CNTNAP4: variants seen among roughly 807,000 people sequenced by gnomAD.
CNTNAP4 encodes the protein contactin-associated protein-like 4.
CNTNAP4 carries 98 observed loss-of-function variants against 148.4 expected under a neutral mutation model. The ratio of observed to expected loss-of-function variants is 0.66; its 90% CI spans 0.56 to 0.78. CNTNAP4 has a LOEUF of 0.78. Among genes scored for constraint, CNTNAP4 ranks in the 30% least tolerant of loss-of-function variants. The pLI, the probability that CNTNAP4 is intolerant of heterozygous loss-of-function variation, is 0.00. For synonymous variants in CNTNAP4, 730 were observed against 565.1 expected, an observed-to-expected ratio of 1.29 and a Z score of -4.14; for missense variants, 1,935 against 1,565.6, an observed-to-expected ratio of 1.24 and a Z score of -3.98.
At chr16:76,491,749 T>C (rs1183108975) in intron 13 of CNTNAP4, among the ~76,000 whole-genome samples, 4 of 152,344 alleles carry the variant, frequency 2.6e-5, no homozygotes, top group East Asian at 1.9e-4. Flanking sequence ...GCAGTATATG[T>C]CTTTCAGTGT....
At chr16:76,456,514 G>A (rs2080736956) in intron 8 of CNTNAP4, among the ~76,000 whole-genome samples, 2 of 152,122 alleles carry the variant, frequency 1.3e-5, no homozygotes, top group South Asian at 4.1e-4. Context: ...TTCTGTCTGT[G>A]TTTAGACAAG....
At chr16:76,508,360 C>T (rs567480964) in intron 15 of CNTNAP4, among the ~76,000 whole-genome samples, 2 of 97,120 alleles carry the variant, frequency 2.1e-5, no homozygotes, top group African/African-American at 5.1e-5. Context: ...TCCATCTAAG[C>T]CATTTCTCAT....
chr16:76,545,674 T>G (rs1183330800), intron 21 of CNTNAP4, among the ~76,000 whole-genome samples: 1 of 152,080 alleles, frequency 6.6e-6, no homozygotes, highest in Non-Finnish European at 1.5e-5. Flanking sequence ...CTTCATACAA[T>G]GATAAAACAA....
At chr16:76,421,229 G>C (rs2079176719) in intron 3 of CNTNAP4, among the ~76,000 whole-genome samples, 1 of 152,010 alleles carries the variant, frequency 6.6e-6, no homozygotes, top group East Asian at 1.9e-4. Context: ...ATTAATAATT[G>C]TGTTCCTTCA....
At position 76,521,247 on chromosome 16, in the gene CNTNAP4, G is replaced by A. The variant is rs950697695; in HGVS notation, c.2473G>A (p.Ala825Thr). ...ADVSFFFKTT[A>T]SSGVFLENLG... is the part of the protein sequence containing the mutation. ...TGTATCTTTCTTTTTTAAGACAACA[G>A]CTTCATCTGGGGTATTTTTAGAGAA... Residue 825 changes from alanine (A) to threonine (T), a missense_variant, in exon 16 of 24, where the codon GCT becomes ACT. Coordinates refer to ENST00000611870, the MANE Select transcript of CNTNAP4 (RefSeq NM_033401.5). 3 of 1,612,458 alleles carry A rather than the reference G, an allele frequency of 1.9e-6. No individual in the cohort carries two copies. The highest frequency in any genetic ancestry group is 1.3e-5 in the African/African-American group (1 of 74,770).
At chr16:76,385,051 A>C (rs1483531103) in intron 3 of CNTNAP4, among the ~76,000 whole-genome samples, 4 of 152,246 alleles carry the variant, frequency 2.6e-5, no homozygotes, top group Non-Finnish European at 5.9e-5. Context: ...TTATTCTGAC[A>C]CCTGACAGGT....
Position 76,478,006 on chromosome 16 carries a change from A to G in CNTNAP4, c.1763-1413A>G, listed in dbSNP as rs551142051. Reference sequence around the variant, plus strand: ...AACTGAAGGGTTTTTGCCCATAACTATTCCGAGAAATGAAGCCAGAATGAC... The same window carrying G: ...AACTGAAGGGTTTTTGCCCATAACTGTTCCGAGAAATGAAGCCAGAATGAC... On this transcript the variant is annotated intron_variant, in intron 11 of 23. Transcript: ENST00000611870. Among the ~76,000 whole-genome samples, 27 of 152,350 alleles carry G rather than the reference A, an allele frequency of 1.8e-4. No homozygotes were observed. The South Asian group carries it at 5.4e-3, about 30-fold the overall frequency.
Position 76,484,275 on chromosome 16 carries a change from G to GAAAAAAAA in CNTNAP4, c.1882+4750_1882+4757dup, listed in dbSNP as rs10622949. On this transcript the variant is annotated intron_variant, in intron 12 of 23. Coordinates refer to ENST00000611870, the MANE Select transcript of CNTNAP4 (RefSeq NM_033401.5). The stretch of plus-strand genomic sequence containing the variant: ...CATAGATCCCAAAGAGGAGAGAAAT[G>GAAAAAAAA]AAAAAAAAAAAAAAAAAAAAGACTG... Among the ~76,000 whole-genome samples, 482 of 71,092 alleles carry GAAAAAAAA rather than the reference G, an allele frequency of 6.8e-3. 17 individuals are homozygous for GAAAAAAAA. Among genetic ancestry groups the GAAAAAAAA allele is most frequent in the Middle Eastern group, 0.017 (1 of 58 alleles). The allele number at this position is 71,092 out of a possible 152,430, so 46.6% of individuals were successfully genotyped here.
rs116561821 is a variant in CNTNAP4, at chr16:76,301,775, T to C, written c.86-14638T>C. ...AATCCGCCTCCCTGAAGATGAGGCT[T>C]AGGGATGTTTATGGGTTAAGGAAGT... On this transcript the variant is annotated intron_variant, in intron 1 of 23. Coordinates refer to ENST00000611870, the MANE Select transcript of CNTNAP4 (RefSeq NM_033401.5). Among the ~76,000 whole-genome samples, 731 of 152,172 alleles carry C rather than the reference T, an allele frequency of 4.8e-3. 2 individuals are homozygous for C. Among genetic ancestry groups the C allele is most frequent in the African/African-American group, 0.016 (657 of 41,522 alleles).
chr16:76,355,504 G>A lies in CNTNAP4; in HGVS notation c.383G>A (p.Ser128Asn), dbSNP rs759733204. 28 of 1,604,450 alleles carry A rather than the reference G, an allele frequency of 1.7e-5. No individual in the cohort carries two copies. Among genetic ancestry groups the A allele is most frequent in the East Asian group, 2.3e-5 (1 of 44,406 alleles). Residue 128 changes from serine (S) to asparagine (N), a missense_variant, in exon 3 of 24, where the codon AGC (serine) becomes AAC (asparagine). Transcript: ENST00000611870. ...WNWKQYRQED[S>N]IWGFSGNANA... The stretch of plus-strand genomic sequence containing the variant: ...TGGAAACAATATCGCCAAGAGGACA[G>A]CATCTGGGTATGTTCTTTAACAAAA...
chr16:76,384,128 C>T (rs1339255832), intron 3 of CNTNAP4, among the ~76,000 whole-genome samples: 1 of 152,002 alleles, frequency 6.6e-6, no homozygotes, highest in African/African-American at 2.4e-5. Context: ...GCTGCAACCT[C>T]CGCCTCCCAG....
At chr16:76,409,163 T>A (rs1174100768) in intron 3 of CNTNAP4, among the ~76,000 whole-genome samples, 1 of 152,028 alleles carries the variant, frequency 6.6e-6, no homozygotes, top group African/African-American at 2.4e-5. Context: ...AAATAAGCCC[T>A]AATACTGTGT....
chr16:76,296,056 G>A (rs774450681), intron 1 of CNTNAP4, among the ~76,000 whole-genome samples: 15 of 152,256 alleles, frequency 9.9e-5, no homozygotes, highest in Non-Finnish European at 1.6e-4. Context: ...ACAAAGGATC[G>A]TATTTAAAAG....
chr16:76,309,394 A>T (rs934843400), intron 1 of CNTNAP4, among the ~76,000 whole-genome samples: 5 of 152,066 alleles, frequency 3.3e-5, no homozygotes, highest in African/African-American at 1.2e-4. Context: ...GAGGAGAGGA[A>T]ACTTTACACT....
At chr16:76,465,913 T>C (rs538929213) in intron 9 of CNTNAP4, among the ~76,000 whole-genome samples, 1 of 152,314 alleles carries the variant, frequency 6.6e-6, no homozygotes, top group East Asian at 1.9e-4. Flanking sequence ...TAAATGTATT[T>C]TGTCAGCAAA....
Position 76,539,730 on chromosome 16 carries a change from A to G in CNTNAP4, c.3232A>G (p.Ile1078Val), listed in dbSNP as rs752625101. 1 of 1,595,460 alleles carries G rather than the reference A, an allele frequency of 6.3e-7. No homozygotes were observed. Among genetic ancestry groups the G allele is most frequent in the Non-Finnish European group, 8.5e-7 (1 of 1,174,310 alleles). The part of the protein sequence containing the change: ...VIIAKNGSLQ[I>V]RYKLNKYQEP... Reference sequence around the variant, plus strand: ...TTTCCCCACTCTAGGAAGTTTGCAGATCAGGTACAAGTTAAATAAATATCA... The same window carrying G: ...TTTCCCCACTCTAGGAAGTTTGCAGGTCAGGTACAAGTTAAATAAATATCA... The change falls in exon 20 of 24, where the codon ATC becomes GTC. Residue 1078 changes from isoleucine (I) to valine (V), a missense_variant. Transcript: ENST00000611870.
intron 14 of CNTNAP4, among the ~76,000 whole-genome samples, chr16:76,498,181 A>C (rs971709364): frequency 4.6e-5 from 7 of 152,318 alleles, no homozygotes; most frequent in South Asian, 2.1e-4. Context: ...ACTTGAGGCC[A>C]GGAGTTCAAG....
chr16:76,462,150 C>T (rs367999749), intron 9 of CNTNAP4, 45 bp downstream of exon 9: 4 of 1,528,766 alleles, frequency 2.6e-6, no homozygotes, highest in African/African-American at 1.4e-5. Context: ...ACCATATTTG[C>T]ATTAGTGCCC....
intron 1 of CNTNAP4, among the ~76,000 whole-genome samples, chr16:76,291,380 A>G (rs11864623): frequency 0.076 from 11,570 of 152,190 alleles, 1,511 homozygotes; most frequent in African/African-American, 0.27. Context: ...ACATGGGGGT[A>G]CCACTATCTA....
Sources: gnomAD v4.1 joint callset for allele counts (sites outside exome capture counted in the v4.1 genomes callset) on GRCh38, gnomAD v4.1.1 for gene constraint, MANE v1.5 for transcripts, NCBI Gene and HGNC (gene_info 2026-07-23, HGNC 2026-07-21) for gene names.